ST8SIA2: variants seen among roughly 807,000 people sequenced by gnomAD.
ST8SIA2 encodes the protein ST8 alpha-N-acetyl-neuraminide alpha-2,8-sialyltransferase 2.
ST8SIA2 carries 22 observed loss-of-function variants against 37.6 expected under a neutral mutation model. The ratio of observed to expected loss-of-function variants is 0.58; its 90% CI spans 0.42 to 0.83. The LOEUF is 0.83. ST8SIA2 is among the 40% of genes least tolerant of loss of function. The pLI is 0.00. For missense variants in ST8SIA2, 382 were observed against 484.7 expected (o/e 0.79, Z 1.99); for synonymous variants, 205 against 201.2 (o/e 1.02, Z -0.16).
chr15:92,461,743 T>C (rs537688970), intron 5 of ST8SIA2, among the ~76,000 whole-genome samples: 1 of 152,218 alleles, frequency 6.6e-6, no homozygotes, highest in East Asian at 1.9e-4. Context: ...GGAACTTGGA[T>C]TGTATGTGGA....
At chr15:92,409,864 C>G (rs1159802760) in intron 1 of ST8SIA2, among the ~76,000 whole-genome samples, 1 of 152,254 alleles carries the variant, frequency 6.6e-6, no homozygotes, top group South Asian at 2.1e-4. Context: ...TGCATCCGAT[C>G]CATTTTACAG....
chr15:92,443,582 A>G (rs112638732), intron 4 of ST8SIA2, among the ~76,000 whole-genome samples: 6,964 of 152,098 alleles, frequency 0.046, 525 homozygotes, highest in African/African-American at 0.15. Flanking sequence ...CAGAACCCTC[A>G]GTGGCTCCCT....
chr15:92,432,341 G>A (rs1419346271), intron 2 of ST8SIA2, among the ~76,000 whole-genome samples: 1 of 152,192 alleles, frequency 6.6e-6, no homozygotes, highest in East Asian at 1.9e-4. Context: ...AGAAGTTGGT[G>A]GTATCAAAAG....
Position 92,454,698 on chromosome 15 carries a change from G to A in ST8SIA2, c.843-9402G>A, listed in dbSNP as rs191463458. On this transcript the variant is annotated intron_variant, in intron 5 of 5. Transcript: ENST00000268164. The stretch of plus-strand genomic sequence containing the variant: ...GCCCGGCCTCTGGTGCCAACAAGGC[G>A]GGCTTCAGCTGCCCCAACCTGAGCA... Among the ~76,000 whole-genome samples, 16 of 152,112 alleles carry A rather than the reference G, an allele frequency of 1.1e-4. No individual in the cohort carries two copies. The East Asian group carries it at 1.4e-3, about 13-fold the overall frequency.
intron 1 of ST8SIA2, among the ~76,000 whole-genome samples, chr15:92,416,083 T>C (rs928943783): frequency 6.6e-6 from 1 of 152,060 alleles, no homozygotes; most frequent in African/African-American, 2.4e-5. Context: ...AAGCTGTGTC[T>C]GTGTAGGGAG....
At chr15:92,419,969 G>A (rs967745127) in intron 1 of ST8SIA2, among the ~76,000 whole-genome samples, 1 of 152,102 alleles carries the variant, frequency 6.6e-6, no homozygotes, top group African/African-American at 2.4e-5. Flanking sequence ...GAGTTCAAGC[G>A]ATTCTCCTGC....
chr15:92,404,335 TCA>T (rs1294308089), intron 1 of ST8SIA2, among the ~76,000 whole-genome samples: 5 of 152,218 alleles, frequency 3.3e-5, no homozygotes, highest in African/African-American at 9.6e-5. Flanking sequence ...TTTCTGAGTC[TCA>T]GTTTCCTAAT....
At chr15:92,394,746 C>T (rs1056944622) in intron 1 of ST8SIA2, among the ~76,000 whole-genome samples, 1 of 152,170 alleles carries the variant, frequency 6.6e-6, no homozygotes, top group Non-Finnish European at 1.5e-5. Flanking sequence ...GGAGCTGGCA[C>T]CACTAGAGAA....
chr15:92,455,532 A>G (rs887344079), intron 5 of ST8SIA2, among the ~76,000 whole-genome samples: 3 of 152,214 alleles, frequency 2.0e-5, no homozygotes, highest in African/African-American at 7.2e-5. Context: ...ACCCCTTTTT[A>G]CACCTACGGA....
In ST8SIA2 at chr15:92,465,212, G is replaced by T. The variant is rs556979997; in HGVS notation, c.*827G>T. 1.3e-5 allele frequency: 2 copies of T among 152,392 alleles called. No individual in the cohort carries two copies. The highest frequency in any genetic ancestry group is 4.1e-4 in the South Asian group (2 of 4,828). The allele number at this position is 152,392 out of a possible 1,614,324, so 9.4% of individuals were successfully genotyped here. ...TGACCCTAGAATAAGGCAGGAGAGT[G>T]TCTAAAATCTAGCTGCTTTGGGTGT... is the stretch of plus-strand genomic sequence containing the variant. On this transcript the variant is annotated 3_prime_UTR_variant, in exon 6 of 6. Coordinates refer to ENST00000268164, the MANE Select transcript of ST8SIA2 (RefSeq NM_006011.4).
At chr15:92,445,196 G>A in intron 5 of ST8SIA2, 3 of 560,850 alleles carry the variant, frequency 5.3e-6, no homozygotes, top group Non-Finnish European at 9.6e-6. Context: ...GGGTGGGGCT[G>A]TCTTGAGGCT....
intron 5 of ST8SIA2, among the ~76,000 whole-genome samples, chr15:92,457,029 C>G (rs957585597): frequency 1.3e-5 from 2 of 152,234 alleles, no homozygotes; most frequent in Non-Finnish European, 2.9e-5. Flanking sequence ...CTGCAGCACA[C>G]CAGAGGCCTC....
At chr15:92,460,965 G>A (rs1264427684) in intron 5 of ST8SIA2, among the ~76,000 whole-genome samples, 2 of 152,198 alleles carry the variant, frequency 1.3e-5, no homozygotes, top group Non-Finnish European at 2.9e-5. Flanking sequence ...TGCTGAGAGA[G>A]GGCCAGATCT....
chr15:92,400,478 C>G (rs1434573438), intron 1 of ST8SIA2, among the ~76,000 whole-genome samples: 2 of 152,218 alleles, frequency 1.3e-5, no homozygotes, highest in African/African-American at 2.4e-5. Context: ...GATCTGGAAG[C>G]CCCCTGCTTT....
At chr15:92,442,112 G>T (rs1428414117) in intron 4 of ST8SIA2, among the ~76,000 whole-genome samples, 1 of 152,190 alleles carries the variant, frequency 6.6e-6, no homozygotes, top group East Asian at 1.9e-4. Context: ...ACTAAATGAA[G>T]CAATTCACAT....
At chr15:92,425,677 A>G (rs2049670119) in intron 1 of ST8SIA2, among the ~76,000 whole-genome samples, 1 of 152,206 alleles carries the variant, frequency 6.6e-6, no homozygotes, top group South Asian at 2.1e-4. Context: ...TGTGGTTTGC[A>G]CAGGAAAGAA....
intron 1 of ST8SIA2, among the ~76,000 whole-genome samples, chr15:92,405,281 T>C (rs1596229475): frequency 6.6e-6 from 1 of 152,268 alleles, no homozygotes; most frequent in Admixed American, 6.5e-5. Flanking sequence ...AATGGTCAAA[T>C]TGATGGAGAC....
chr15:92,412,680 C>A (rs1596232435), intron 1 of ST8SIA2, among the ~76,000 whole-genome samples: 1 of 152,232 alleles, frequency 6.6e-6, no homozygotes, highest in East Asian at 1.9e-4. Context: ...TGTTTTGAGA[C>A]AGGGTCTTGC....
rs2049980247 is a variant in ST8SIA2 at position 92,464,644 on chromosome 15, G to A, written c.*259G>A. ...GTGGAGAACCCACCTGAACCAGATT[G>A]AGACTCAATCCATCTTTGGGGGTGG... On this transcript the variant is annotated 3_prime_UTR_variant, in exon 6 of 6. Transcript: ENST00000268164. 1.9e-6 allele frequency: 1 copy of A among 522,124 alleles called. No individual in the cohort carries two copies. The highest frequency in any genetic ancestry group is 3.3e-5 in the Admixed American group (1 of 30,274). The allele number at this position is 522,124 out of a possible 1,614,324, so 32.3% of individuals were successfully genotyped here.
Sources: allele counts gnomAD v4.1 joint callset (sites outside exome capture counted in the v4.1 genomes callset), GRCh38; gene constraint gnomAD v4.1.1; transcripts MANE v1.5; gene names NCBI Gene and HGNC (gene_info 2026-07-23, HGNC 2026-07-21).